Variants in BIN2 observed in about 807,000 individuals in gnomAD.
BIN2 encodes bridging integrator 2.
BIN2 carries 43 observed loss-of-function variants against 67.9 expected under a neutral mutation model. That is an observed-to-expected ratio of 0.63 (90% CI 0.50 to 0.82). The LOEUF is 0.82. BIN2 is among the 40% of genes least tolerant of loss of function. The pLI, the probability that BIN2 is intolerant of heterozygous loss-of-function variation, is 0.00. For synonymous variants in BIN2, 244 were observed against 246.8 expected, an observed-to-expected ratio of 0.99 and a Z score of 0.11; for missense variants, 581 against 671.6, an observed-to-expected ratio of 0.87 and a Z score of 1.49.
chr12:51,300,618 T>TA (rs1945697273), intron 5 of BIN2, among the ~76,000 whole-genome samples: 1 of 152,208 alleles, frequency 6.6e-6, no homozygotes, highest in African/African-American at 2.4e-5. Flanking sequence ...TACTCAGCCT[T>TA]ATCCAAACTA....
chr12:51,300,471 T>C (rs1945693474), intron 5 of BIN2, among the ~76,000 whole-genome samples: 1 of 152,140 alleles, frequency 6.6e-6, no homozygotes, highest in Non-Finnish European at 1.5e-5. Flanking sequence ...GCAAGGCACA[T>C]CTCTTTTGGA....
At chr12:51,285,746 C>T (rs1434802654) in intron 11 of BIN2, among the ~76,000 whole-genome samples, 1 of 151,754 alleles carries the variant, frequency 6.6e-6, no homozygotes, top group East Asian at 1.9e-4. Context: ...GCCTCAGTCT[C>T]CCAAGTAGCT....
chr12:51,285,148 T>C (rs1015880569), intron 11 of BIN2, among the ~76,000 whole-genome samples: 1 of 152,194 alleles, frequency 6.6e-6, no homozygotes, highest in Non-Finnish European at 1.5e-5. Flanking sequence ...CACTTTTAGA[T>C]GAACCGTCCT....
chr12:51,302,404 G>T (rs1268211921), intron 4 of BIN2: 3 of 523,172 alleles, frequency 5.7e-6, no homozygotes, highest in Non-Finnish European at 1.0e-5. Flanking sequence ...ACTGCATGAA[G>T]TTTGTTTTAA....
At chr12:51,289,318 T>C (rs1477618397) in intron 10 of BIN2, among the ~76,000 whole-genome samples, 1 of 151,982 alleles carries the variant, frequency 6.6e-6, no homozygotes, top group African/African-American at 2.4e-5. Context: ...ATAATGTGAC[T>C]AGAATATGAC....
chr12:51,301,726 T>C (rs1371240798), intron 5 of BIN2, among the ~76,000 whole-genome samples: 1 of 151,944 alleles, frequency 6.6e-6, no homozygotes, highest in Non-Finnish European at 1.5e-5. Context: ...CCCAGGCTGG[T>C]CCCGAACTCC....
rs556853076 is a variant in BIN2 at position 51,296,067 on chromosome 12, CTCTGTGT to C, written c.679-196_679-190del. Among the ~76,000 whole-genome samples, 17 of 152,268 alleles carry C rather than the reference CTCTGTGT, an allele frequency of 1.1e-4. 1 individual carries two copies. The South Asian group carries it at 3.1e-3, about 28-fold the overall frequency. On this transcript the variant is annotated intron_variant, in intron 8 of 12. Transcript: ENST00000615107. Reference sequence around the variant, plus strand: ...TCCCGCCACCCCCTCTTCCCTGTCTCTCTGTGTTCTAAGTTCTGCCTCTTCCATCAGA... The same window carrying C: ...TCCCGCCACCCCCTCTTCCCTGTCTCTCTAAGTTCTGCCTCTTCCATCAGA...
chr12:51,283,616 C>G (rs557244160), intron 12 of BIN2, among the ~76,000 whole-genome samples: 9 of 152,242 alleles, frequency 5.9e-5, no homozygotes, highest in African/African-American at 1.7e-4. Context: ...ACACACCCAG[C>G]TCTGTGTCTT....
At chr12:51,303,243 G>T in intron 2 of BIN2, 102 bp from the exon 3 acceptor site, 1 of 1,151,942 alleles carries the variant, frequency 8.7e-7, no homozygotes, top group East Asian at 2.4e-5. Flanking sequence ...AATCACACCT[G>T]GAATTTCTCT....
At chr12:51,295,671 A>G (rs1945547646) in intron 9 of BIN2, 125 bp downstream of exon 9, 4 of 516,554 alleles carry the variant, frequency 7.7e-6, no homozygotes, top group Admixed American at 6.2e-5. Flanking sequence ...AGCATAGTAC[A>G]AACAACAAAC....
At chr12:51,312,720 TA>T (rs994012621) in intron 2 of BIN2, among the ~76,000 whole-genome samples, 5 of 151,914 alleles carry the variant, frequency 3.3e-5, no homozygotes, top group East Asian at 1.9e-4. Flanking sequence ...AATATTCCAT[TA>T]AAAAAAAGTT....
At chr12:51,299,088 AG>A in intron 7 of BIN2, 114 bp downstream of exon 7, 3 of 533,526 alleles carry the variant, frequency 5.6e-6, no homozygotes, top group Non-Finnish European at 9.7e-6. Context: ...AAAAAAAAAA[AG>A]GGGGCGGGGC....
intron 11 of BIN2, among the ~76,000 whole-genome samples, chr12:51,286,124 T>C (rs1048598603): frequency 6.6e-6 from 1 of 152,188 alleles, no homozygotes; most frequent in African/African-American, 2.4e-5. Flanking sequence ...CCCAGTAATT[T>C]TTTTTCAAAA....
rs1025858479 is a variant in BIN2 at position 51,312,747 on chromosome 12, G to A, written c.162+1076C>T. Reference sequence around the variant, plus strand: ...AAAAAAAGTTCATCAGATCTAAGATGGTAAACCAATAACAACAACAAAAAG... The same window carrying A: ...AAAAAAAGTTCATCAGATCTAAGATAGTAAACCAATAACAACAACAAAAAG... On this transcript the variant is annotated intron_variant, in intron 2 of 12. Transcript: ENST00000615107. Among the ~76,000 whole-genome samples the A allele has an allele frequency of 8.6e-5, 13 of 151,938 alleles. 1 individual carries two copies. The highest frequency in any genetic ancestry group is 7.2e-4 in the Admixed American group (11 of 15,244).
intron 4 of BIN2, chr12:51,302,408 G>T (rs1363926205): frequency 5.7e-6 from 3 of 523,062 alleles, no homozygotes; most frequent in Non-Finnish European, 1.0e-5. Flanking sequence ...CATGAAGTTT[G>T]TTTTAAAAAA....
At chr12:51,285,626 C>CTTT (rs10562037) in intron 11 of BIN2, among the ~76,000 whole-genome samples, 1 of 131,498 alleles carries the variant, frequency 7.6e-6, no homozygotes, top group African/African-American at 2.7e-5. Flanking sequence ...TTCTTTCTTT[C>CTTT]TTTTTTTTTT....
intron 2 of BIN2, among the ~76,000 whole-genome samples, chr12:51,309,458 T>C (rs1267079748): frequency 6.6e-6 from 1 of 152,224 alleles, no homozygotes; most frequent in Non-Finnish European, 1.5e-5. Context: ...CATAAAATGT[T>C]TGTTAAATGT....
intron 1 of BIN2, among the ~76,000 whole-genome samples, chr12:51,317,992 AAAAAAGAAAAAG>A (rs972465918): frequency 6.6e-6 from 1 of 152,208 alleles, no homozygotes; most frequent in African/African-American, 2.4e-5. Flanking sequence ...CGTCTCAAGA[AAAAAAGAAAAAG>A]AAAAAGAAAA....
In BIN2 at chr12:51,315,135, T is replaced by C. The variant is rs1480066316; in HGVS notation, c.82-1232A>G. ...TCCCAGAGTTCTGCAATTATAGGCA[T>C]GAGCCATTAGGCTGGCTGGCATTGT... On this transcript the variant is annotated intron_variant, in intron 1 of 12. Transcript: ENST00000615107. Among the ~76,000 whole-genome samples, 9 of 151,894 alleles carry C rather than the reference T, an allele frequency of 5.9e-5. No homozygotes were observed. In the East Asian group the frequency reaches 1.7e-3, roughly 29 times the overall value.
Sources: allele counts gnomAD v4.1 joint callset (sites outside exome capture counted in the v4.1 genomes callset), GRCh38; gene constraint gnomAD v4.1.1; transcripts MANE v1.5; gene names NCBI Gene and HGNC (gene_info 2026-07-23, HGNC 2026-07-21).